The following CORIN variants were observed in gnomAD, a reference collection of about 807,000 sequenced individuals.
CORIN encodes corin, serine peptidase.
CORIN carries 117 observed loss-of-function variants against 125.3 expected under a neutral mutation model. The observed-to-expected ratio is 0.93, with a 90% CI of 0.80 to 1.09. CORIN has a LOEUF of 1.09. Ranked by LOEUF, CORIN falls within the 50% of genes least tolerant of loss-of-function variation. The probability of loss-of-function intolerance (pLI) is 0.00; values close to 1 mark genes in which losing one functional copy is unlikely to be tolerated. For synonymous variants in CORIN, 450 were observed against 466.4 expected (o/e 0.96, Z 0.45); for missense variants, 1,253 against 1,306.7 (o/e 0.96, Z 0.63).
At chr4:47,662,940 A>G (rs981458098) in intron 11 of CORIN, among the ~76,000 whole-genome samples, 3 of 152,228 alleles carry the variant, frequency 2.0e-5, no homozygotes, top group Admixed American at 6.5e-5. Flanking sequence ...TGGTATTTCT[A>G]TATTAGGTCA....
At chr4:47,626,573 C>T in intron 16 of CORIN, 52 bp from the exon 17 acceptor site, 1 of 1,067,582 alleles carries the variant, frequency 9.4e-7, no homozygotes, top group Non-Finnish European at 1.5e-6. Flanking sequence ...GATCTTTGAA[C>T]AGGCATTATC....
chr4:47,782,129 A>C (rs1207234367), intron 3 of CORIN, among the ~76,000 whole-genome samples: 1 of 151,928 alleles, frequency 6.6e-6, no homozygotes, highest in Non-Finnish European at 1.5e-5. Flanking sequence ...TCATGACTGT[A>C]ATCTCAGCAC....
chr4:47,622,193 G>A (rs1722349122), intron 19 of CORIN, among the ~76,000 whole-genome samples: 1 of 151,718 alleles, frequency 6.6e-6, no homozygotes, highest in South Asian at 2.1e-4. Context: ...CATTTTTTAT[G>A]GCTGCATAGT....
chr4:47,711,179 T>C (rs991695547), intron 5 of CORIN, among the ~76,000 whole-genome samples: 9 of 151,938 alleles, frequency 5.9e-5, no homozygotes, highest in Non-Finnish European at 1.0e-4. Flanking sequence ...TCCACCCACA[T>C]CTCTCCTGCC....
rs376673462 is a variant in CORIN at position 47,595,769 on chromosome 4, G to A, written c.3081C>T (p.Val1027=). The stretch of plus-strand genomic sequence containing the variant: ...TGTAAATCTGTCTTTTAATCCATTC[G>A]ACGAAATATGACACATTACTATAAA... ...PGVYSNVSYF[V]EWIKRQIYIQ... is the part of the protein sequence containing the mutation. Residue 1027 remains valine (V), a synonymous_variant, in exon 22 of 22, where the codon GTC becomes GTT. Coordinates refer to ENST00000273857, the MANE Select transcript of CORIN (RefSeq NM_006587.4). 93 of 1,612,482 alleles carry A rather than the reference G, an allele frequency of 5.8e-5. 1 individual carries two copies. Among genetic ancestry groups the A allele is most frequent in the African/African-American group, 4.8e-4 (36 of 74,866 alleles).
At chr4:47,631,638 C>T (rs528361483) in intron 16 of CORIN, among the ~76,000 whole-genome samples, 26 of 152,172 alleles carry the variant, frequency 1.7e-4, no homozygotes, top group African/African-American at 5.3e-4. Context: ...ATAAATGTAA[C>T]GTGCTTGAAT....
intron 5 of CORIN, among the ~76,000 whole-genome samples, chr4:47,713,201 A>G (rs1726928927): frequency 6.6e-6 from 1 of 152,242 alleles, no homozygotes; most frequent in South Asian, 2.1e-4. Flanking sequence ...AGATGAAGCC[A>G]AGAAGTCAGA....
chr4:47,788,933 ATTAGCCT>A (rs1267334889), intron 2 of CORIN, among the ~76,000 whole-genome samples: 1 of 152,220 alleles, frequency 6.6e-6, no homozygotes, highest in Non-Finnish European at 1.5e-5. Flanking sequence ...TTTGGTAATA[ATTAGCCT>A]TATTAATAAT....
intron 4 of CORIN, among the ~76,000 whole-genome samples, chr4:47,752,930 T>C (rs1001306272): frequency 6.6e-6 from 1 of 151,896 alleles, no homozygotes; most frequent in Non-Finnish European, 1.5e-5. Flanking sequence ...TATAAAAGGA[T>C]GCCATGAATA....
chr4:47,626,646 G>GAACA (rs1722582454), intron 16 of CORIN, 125 bp from the exon 17 acceptor site: 1 of 725,886 alleles, frequency 1.4e-6, no homozygotes, highest in African/African-American at 1.7e-5. Flanking sequence ...TTCAAGAGGA[G>GAACA]AATTTGGACT....
At chr4:47,813,422 A>G (rs548911323) in intron 1 of CORIN, among the ~76,000 whole-genome samples, 40 of 152,328 alleles carry the variant, frequency 2.6e-4, no homozygotes, top group Non-Finnish European at 4.9e-4. Flanking sequence ...TGCCAAACAT[A>G]TGCTGTCTTT....
intron 5 of CORIN, among the ~76,000 whole-genome samples, chr4:47,712,012 C>T (rs976946926): frequency 2.6e-5 from 4 of 152,212 alleles, no homozygotes; most frequent in African/African-American, 9.6e-5. Context: ...GTAAATATAA[C>T]TTTGAAATGC....
chr4:47,697,319 C>T (rs1726063359), intron 5 of CORIN, among the ~76,000 whole-genome samples: 1 of 152,114 alleles, frequency 6.6e-6, no homozygotes, highest in South Asian at 2.1e-4. Context: ...TTTACCCTGC[C>T]TTCTGAGGAG....
At chr4:47,705,176 C>G (rs61761828) in intron 5 of CORIN, among the ~76,000 whole-genome samples, 2 of 152,206 alleles carry the variant, frequency 1.3e-5, no homozygotes, top group Non-Finnish European at 2.9e-5. Context: ...TTCCCCCTGA[C>G]TGGTTTATCA....
intron 5 of CORIN, among the ~76,000 whole-genome samples, chr4:47,737,396 C>T (rs4695273): frequency 0.097 from 14,797 of 152,232 alleles, 848 homozygotes; most frequent in East Asian, 0.27. Context: ...TCAGATCCTT[C>T]GGGTTTTGCC....
At chr4:47,761,943 CAAT>C (rs1464571995) in intron 4 of CORIN, among the ~76,000 whole-genome samples, 1 of 151,860 alleles carries the variant, frequency 6.6e-6, no homozygotes, top group African/African-American at 2.4e-5. Context: ...CCAGCCTGGA[CAAT>C]ATAGCGACAC....
rs1032465091 is a variant in CORIN, at chr4:47,837,776, G to A, written c.63+111C>T. The A allele has an allele frequency of 7.3e-5, 69 of 947,010 alleles. No homozygotes were observed. The African/African-American group carries it at 1.0e-3, about 14-fold the overall frequency. The allele number at this position is 947,010 out of a possible 1,614,324, so 58.7% of individuals were successfully genotyped here. ...AGCTCACCGGCGGCTGGGGAAGGAG[G>A]TGGCATCGGGCGGAGGAGAGGACGG... is the stretch of plus-strand genomic sequence containing the variant. On this transcript the variant is annotated intron_variant, in intron 1 of 21. Transcript: ENST00000273857.
intron 19 of CORIN, among the ~76,000 whole-genome samples, chr4:47,607,550 C>T (rs6833737): frequency 0.27 from 41,121 of 152,010 alleles, 5,703 homozygotes; most frequent in Admixed American, 0.35. Context: ...TGTCTTCCCT[C>T]CTGTCAACCC....
rs762249651 is a variant in CORIN, at chr4:47,744,465, G to A, written c.736C>T (p.Gln246Ter). 6.2e-7 allele frequency: 1 copy of A among 1,613,960 alleles called. No individual in the cohort carries two copies. The highest frequency in any genetic ancestry group is 8.5e-7 in the Non-Finnish European group (1 of 1,179,960). Reference protein sequence around the residue: ...DFLRCSQFRNQTESSNVSRIC... With the variant: ...DFLRCSQFRN ...CTGCTGACATTGCTGCTTTCAGTTT[G>A]GTTTCTAAACTGGGAGCATCTGAGG... Residue 246 changes from glutamine (Q) to a stop codon, truncating the protein, a stop_gained, in exon 5 of 22, where the codon CAA becomes TAA. Coordinates refer to ENST00000273857, the MANE Select transcript of CORIN (RefSeq NM_006587.4). LOFTEE classifies it high-confidence loss of function.
Sources: allele counts gnomAD v4.1 joint callset (sites outside exome capture counted in the v4.1 genomes callset), GRCh38; gene constraint gnomAD v4.1.1; transcripts MANE v1.5; gene names NCBI Gene and HGNC (gene_info 2026-07-23, HGNC 2026-07-21).